STXBP6: variants seen among roughly 807,000 people sequenced by gnomAD.
STXBP6 encodes the protein syntaxin binding protein 6.
Under a neutral mutation model 26.9 loss-of-function variants are expected in STXBP6, and 21 were observed. That is an observed-to-expected ratio of 0.78 (90% CI 0.55 to 1.12). The LOEUF is 1.12. Among genes scored for constraint, STXBP6 ranks in the 50% most tolerant of loss-of-function variants. STXBP6 has a pLI of 0.00. For synonymous variants in STXBP6, 97 were observed against 92.6 expected, an observed-to-expected ratio of 1.05 and a Z score of -0.27; for missense variants, 232 against 257.9, an observed-to-expected ratio of 0.90 and a Z score of 0.69.
At chr14:24,858,433 T>C (rs995819253) in intron 2 of STXBP6, among the ~76,000 whole-genome samples, 1 of 152,134 alleles carries the variant, frequency 6.6e-6, no homozygotes, top group Non-Finnish European at 1.5e-5. Context: ...AACCAAAATT[T>C]AGTGAAGATT....
At chr14:25,038,068 A>AACAC (rs145804703) in intron 1 of STXBP6, among the ~76,000 whole-genome samples, 25 of 151,546 alleles carry the variant, frequency 1.6e-4, no homozygotes, top group African/African-American at 5.1e-4. Flanking sequence ...TAAAAATACG[A>AACAC]ACACACACAC....
intron 2 of STXBP6, among the ~76,000 whole-genome samples, chr14:24,882,444 G>A (rs2070408381): frequency 2.2e-5 from 3 of 138,596 alleles, no homozygotes; most frequent in South Asian, 4.8e-4. Context: ...AAGGGACTTG[G>A]TCCCAACTTC....
At chr14:24,865,486 A>G (rs575840091) in intron 2 of STXBP6, among the ~76,000 whole-genome samples, 1 of 152,324 alleles carries the variant, frequency 6.6e-6, no homozygotes, top group South Asian at 2.1e-4. Context: ...AGAAAACTCT[A>G]GAGATCTGCA....
chr14:25,006,906 G>C (rs1271167641), intron 1 of STXBP6, among the ~76,000 whole-genome samples: 3 of 151,196 alleles, frequency 2.0e-5, no homozygotes, highest in Admixed American at 2.0e-4. Flanking sequence ...TTCAGCAATA[G>C]GTAGAAACAA....
intron 2 of STXBP6, among the ~76,000 whole-genome samples, chr14:24,906,784 G>C (rs2071399661): frequency 6.6e-6 from 1 of 152,110 alleles, no homozygotes. Context: ...AATTGATGTA[G>C]TAGGAAAATA....
chr14:24,956,841 G>A (rs1040564239), intron 2 of STXBP6, among the ~76,000 whole-genome samples: 3 of 151,958 alleles, frequency 2.0e-5, no homozygotes, highest in South Asian at 4.2e-4. Context: ...ATGGCACTTC[G>A]GGTGTCAACA....
chr14:25,020,661 T>C (rs2075244917), intron 1 of STXBP6, among the ~76,000 whole-genome samples: 3 of 152,196 alleles, frequency 2.0e-5, no homozygotes, highest in Admixed American at 2.0e-4. Context: ...TTGACTACAA[T>C]ATCCTCAGCT....
intron 1 of STXBP6, among the ~76,000 whole-genome samples, chr14:24,997,077 G>A (rs931043153): frequency 1.3e-5 from 2 of 152,056 alleles, no homozygotes; most frequent in East Asian, 3.9e-4. Context: ...AGTAACTGAC[G>A]TCCAGAGGGA....
At chr14:24,962,964 A>G (rs2073600304) in intron 2 of STXBP6, among the ~76,000 whole-genome samples, 1 of 152,158 alleles carries the variant, frequency 6.6e-6, no homozygotes, top group South Asian at 2.1e-4. Flanking sequence ...TTATCTTTAT[A>G]ATAAGTGTAT....
chr14:24,960,016 AG>A (rs1263056394), intron 2 of STXBP6, among the ~76,000 whole-genome samples: 1 of 152,250 alleles, frequency 6.6e-6, no homozygotes, highest in African/African-American at 2.4e-5. Flanking sequence ...GCCAGATTTC[AG>A]GTTCCAAAAG....
At chr14:24,888,829 A>G (rs75716314) in intron 2 of STXBP6, among the ~76,000 whole-genome samples, 1,693 of 152,148 alleles carry the variant, frequency 0.011, 20 homozygotes, top group Non-Finnish European at 0.018. Context: ...CTAACCCTCT[A>G]TGTACCAGAC....
intron 1 of STXBP6, among the ~76,000 whole-genome samples, chr14:24,999,244 A>T (rs1202468762): frequency 6.6e-6 from 1 of 152,156 alleles, no homozygotes; most frequent in African/African-American, 2.4e-5. Flanking sequence ...GGCGTATCTT[A>T]TTCAGACTGC....
intron 2 of STXBP6, among the ~76,000 whole-genome samples, chr14:24,945,182 C>T (rs2072944377): frequency 1.0e-5 from 1 of 98,628 alleles, no homozygotes; most frequent in Non-Finnish European, 1.9e-5. Flanking sequence ...ATTCCTGACT[C>T]CCACTTTCAC....
intron 2 of STXBP6, among the ~76,000 whole-genome samples, chr14:24,957,695 C>T (rs1037841032): frequency 1.3e-5 from 2 of 152,184 alleles, no homozygotes; most frequent in Admixed American, 6.5e-5. Flanking sequence ...CTCACACTAG[C>T]CCTCTAAGAT....
At chr14:24,988,465 T>C (rs772846851) in intron 1 of STXBP6, among the ~76,000 whole-genome samples, 25 of 152,222 alleles carry the variant, frequency 1.6e-4, no homozygotes, top group Admixed American at 1.3e-4. Flanking sequence ...AAGTACAGTT[T>C]AATCTTTCAG....
intron 1 of STXBP6, among the ~76,000 whole-genome samples, chr14:25,004,142 A>C (rs1595297423): frequency 6.6e-6 from 1 of 152,310 alleles, no homozygotes; most frequent in Admixed American, 6.5e-5. Context: ...AAAAAGAAGA[A>C]GGCAGCTGAT....
At chr14:24,842,960 AG>A in intron 4 of STXBP6, among the ~76,000 whole-genome samples, 1 of 152,186 alleles carries the variant, frequency 6.6e-6, no homozygotes, top group East Asian at 1.9e-4. Flanking sequence ...TAGGCCCAAA[AG>A]AGGGGAGTCA....
At chr14:24,964,215 G>A (rs2073652634) in intron 2 of STXBP6, among the ~76,000 whole-genome samples, 1 of 152,140 alleles carries the variant, frequency 6.6e-6, no homozygotes, top group African/African-American at 2.4e-5. Context: ...CTACTCTCTA[G>A]AGGCTGACAG....
At chr14:24,929,984 T>C (rs1176184630) in intron 2 of STXBP6, among the ~76,000 whole-genome samples, 1 of 152,234 alleles carries the variant, frequency 6.6e-6, no homozygotes, top group Non-Finnish European at 1.5e-5. Context: ...TATGACTGTG[T>C]CCTCTAGATA....
Sources: gnomAD v4.1 joint callset for allele counts (sites outside exome capture counted in the v4.1 genomes callset) on GRCh38, gnomAD v4.1.1 for gene constraint, MANE v1.5 for transcripts, NCBI Gene and HGNC (gene_info 2026-07-23, HGNC 2026-07-21) for gene names.